Variants in ITGA6 observed in about 807,000 individuals in gnomAD.
ITGA6 encodes the protein integrin alpha-6.
A neutral mutation model predicts 133.6 loss-of-function variants in ITGA6; 63 were observed. The observed-to-expected ratio is 0.47, with a 90% confidence interval of 0.38 to 0.58. ITGA6 has a LOEUF of 0.58. Among genes scored for constraint, ITGA6 ranks in the 20% least tolerant of loss-of-function variants. ITGA6 has a pLI of 0.00. For missense variants in ITGA6, 1,068 were observed against 1,309.4 expected, an observed-to-expected ratio of 0.82 and a Z score of 2.85; for synonymous variants, 434 against 482.0, an observed-to-expected ratio of 0.90 and a Z score of 1.30.
intron 10 of ITGA6, 74 bp downstream of exon 10, chr2:172,479,813 A>G (rs1686353280): frequency 2.9e-6 from 4 of 1,360,506 alleles, no homozygotes. Flanking sequence ...TATTGTCCTG[A>G]GGAGCCACAG....
chr2:172,431,436 A>C (rs6757785), intron 1 of ITGA6, among the ~76,000 whole-genome samples: 1 of 152,212 alleles, frequency 6.6e-6, no homozygotes, highest in African/African-American at 2.4e-5. Flanking sequence ...TCCCATATGC[A>C]TAGGTCAGGG....
chr2:172,444,135 A>G (rs1684654302), intron 1 of ITGA6, among the ~76,000 whole-genome samples: 1 of 152,202 alleles, frequency 6.6e-6, no homozygotes, highest in African/African-American at 2.4e-5. Flanking sequence ...GATTTCACAG[A>G]TAATCCATAG....
rs1553543102 is a variant in ITGA6, at chr2:172,501,915, G to A, written c.*22+14G>A. 3.1e-6 allele frequency: 5 copies of A among 1,607,222 alleles called. No homozygotes were observed. Among genetic ancestry groups the A allele is most frequent in the Middle Eastern group, 1.7e-4 (1 of 6,052 alleles). On this transcript the variant is annotated intron_variant, in intron 25 of 25. Transcript: ENST00000684293. ...CTTCTGTAATTGGTAATTGATCAATGTTTTTTAATTGCTAGCTGTGGGACC... is the reference window on the plus strand; with the variant it reads ...CTTCTGTAATTGGTAATTGATCAATATTTTTTAATTGCTAGCTGTGGGACC...
In ITGA6 at chr2:172,487,978, A is replaced by T. The variant is rs1686763535; in HGVS notation, c.2342A>T (p.Asn781Ile). Residue 781 changes from asparagine (N) to isoleucine (I), a missense_variant, in exon 18 of 26, where the codon AAT becomes ATT. Physicochemically the swap from Asn to Ile is moderately radical, Grantham distance 149. Around this residue, in one of 3 missense-constraint regions of ITGA6, gnomAD observed 609 missense variants for 707.2 expected, o/e 0.86. Coordinates refer to ENST00000684293, the MANE Select transcript of ITGA6 (RefSeq NM_000210.4). Reference protein sequence around the residue: ...LKLETTSNQDNLAPITAKAKV... With the variant: ...LKLETTSNQDILAPITAKAKV... ...ATTTTCAGAACAAGCAATCAAGATAATTTGGCTCCAATTACAGCTAAAGCA... is the reference window on the plus strand; with the variant it reads ...ATTTTCAGAACAAGCAATCAAGATATTTTGGCTCCAATTACAGCTAAAGCA... 1 of 1,613,676 alleles carries T rather than the reference A, an allele frequency of 6.2e-7. No homozygotes were observed. Among genetic ancestry groups the T allele is most frequent in the African/African-American group, 1.3e-5 (1 of 74,886 alleles).
At chr2:172,465,755 G>A in intron 2 of ITGA6, 92 bp downstream of exon 2, 1 of 1,529,570 alleles carries the variant, frequency 6.5e-7, no homozygotes, top group Non-Finnish European at 9.1e-7. Context: ...ATTTATTCTT[G>A]TAGAGAGGAC....
intron 1 of ITGA6, among the ~76,000 whole-genome samples, chr2:172,431,323 C>A (rs1684096307): frequency 6.6e-6 from 1 of 152,184 alleles, no homozygotes; most frequent in Non-Finnish European, 1.5e-5. Context: ...ATGCTCATGC[C>A]ATTTTTAAAT....
intron 1 of ITGA6, among the ~76,000 whole-genome samples, chr2:172,446,361 A>G (rs75397932): frequency 0.094 from 14,364 of 152,276 alleles, 1,579 homozygotes; most frequent in East Asian, 0.52. Flanking sequence ...GTTTTAAGAC[A>G]TGAATCTTAT....
rs781782028 is a variant in ITGA6 at position 172,465,539 on chromosome 2, G to A, written c.183G>A (p.Leu61=). The change falls in exon 2 of 26, where the codon CTG becomes CTA. Residue 61 remains leucine, a splice_region_variant and synonymous_variant. Transcript: ENST00000684293. ...CAAATTGTCTCTGTTTCATCAACAG[G>A]TTGCTCGTGGGGGCCCCGCGGGCAG... ...HWQLQPEDKR[L]LLVGAPRAEA... 10 of 1,614,168 alleles carry A rather than the reference G, an allele frequency of 6.2e-6. No homozygotes were observed. The highest frequency in any genetic ancestry group is 5.5e-5 in the South Asian group (5 of 91,084).
chr2:172,487,530 G>T lies in ITGA6; in HGVS notation c.2161-17G>T, dbSNP rs377682187. On this transcript the variant is annotated splice_polypyrimidine_tract_variant and intron_variant, in intron 15 of 25. Coordinates refer to ENST00000684293, the MANE Select transcript of ITGA6 (RefSeq NM_000210.4). The stretch of plus-strand genomic sequence containing the variant: ...GCAAATGAGTGGATTGTGACCTAGC[G>T]TGTGTTTCTTTTACAGGAGAAACAG... 3.1e-6 allele frequency: 5 copies of T among 1,612,450 alleles called. No homozygotes were observed. Among genetic ancestry groups the T allele is most frequent in the Admixed American group, 1.7e-5 (1 of 60,014 alleles).
chr2:172,434,687 T>G (rs1179559723), intron 1 of ITGA6, among the ~76,000 whole-genome samples: 1 of 152,078 alleles, frequency 6.6e-6, no homozygotes, highest in Non-Finnish European at 1.5e-5. Context: ...GGGCAAAAAC[T>G]CATGACATGG....
intron 1 of ITGA6, among the ~76,000 whole-genome samples, chr2:172,456,094 A>G (rs1685195912): frequency 6.6e-6 from 1 of 152,232 alleles, no homozygotes; most frequent in African/African-American, 2.4e-5. Context: ...AGGAAGTGGT[A>G]GAGGGTGTGG....
chr2:172,465,431 G>C, intron 1 of ITGA6, 108 bp from the exon 2 acceptor site: 5 of 1,322,278 alleles, frequency 3.8e-6, no homozygotes, highest in Non-Finnish European at 5.4e-6. Flanking sequence ...TGAAGAATTA[G>C]TGGACTCCTA....
At chr2:172,500,370 T>C (rs1687298875) in intron 24 of ITGA6, among the ~76,000 whole-genome samples, 1 of 152,174 alleles carries the variant, frequency 6.6e-6, no homozygotes, top group African/African-American at 2.4e-5. Context: ...CCCAGCACTT[T>C]GGGAGGCTGG....
chr2:172,452,153 A>G (rs912145788), intron 1 of ITGA6, among the ~76,000 whole-genome samples: 10 of 152,110 alleles, frequency 6.6e-5, no homozygotes, highest in African/African-American at 2.4e-4. Flanking sequence ...GCTTCCCTCA[A>G]CCTTCCAGTT....
Position 172,475,616 on chromosome 2 carries a change from G to C in ITGA6, c.1200G>C (p.Pro400=). 1 of 1,602,070 alleles carries C rather than the reference G, an allele frequency of 6.2e-7. No homozygotes were observed. The highest frequency in any genetic ancestry group is 8.6e-7 in the Non-Finnish European group (1 of 1,169,070). The change falls in exon 8 of 26, where the codon CCG becomes CCC. Residue 400 remains proline, a synonymous_variant. Coordinates refer to ENST00000684293, the MANE Select transcript of ITGA6 (RefSeq NM_000210.4). ...CAACAGATATTGCAGTTGGAGCTCC[G>C]TATGATGACTTGGGAAAGGTTTTTA... ...DGYPDIAVGA[P]YDDLGKVFIY...
chr2:172,439,439 TAGAA>T (rs1684452456), intron 1 of ITGA6, among the ~76,000 whole-genome samples: 1 of 151,624 alleles, frequency 6.6e-6, no homozygotes, highest in Admixed American at 6.6e-5. Context: ...CAAAAGGAAA[TAGAA>T]TATCTTTGGA....
intron 13 of ITGA6, 27 bp downstream of exon 13, chr2:172,485,291 C>G: frequency 6.2e-7 from 1 of 1,610,924 alleles, no homozygotes; most frequent in Non-Finnish European, 8.5e-7. Flanking sequence ...TTCATTTTGC[C>G]AAAGTTTTTT....
intron 1 of ITGA6, among the ~76,000 whole-genome samples, chr2:172,463,097 G>C (rs1685500600): frequency 6.6e-6 from 1 of 152,168 alleles, no homozygotes; most frequent in Non-Finnish European, 1.5e-5. Context: ...CCTGTTCACG[G>C]ATCAGGCTTC....
intron 1 of ITGA6, among the ~76,000 whole-genome samples, chr2:172,438,742 G>GT (rs1482059112): frequency 3.3e-5 from 5 of 150,358 alleles, no homozygotes; most frequent in Non-Finnish European, 7.4e-5. Flanking sequence ...ACACTGGGGA[G>GT]TTTTTGTAGC....
Sources: gnomAD v4.1 joint callset for allele counts (sites outside exome capture counted in the v4.1 genomes callset) on GRCh38, gnomAD v4.1.1 for gene constraint, gnomAD v4.1.1 regional missense constraint, MANE v1.5 for transcripts, NCBI Gene and HGNC (gene_info 2026-07-23, HGNC 2026-07-21) for gene names.